The following BAZ1B variants were observed in gnomAD, a reference collection of about 807,000 sequenced individuals.
The protein encoded by BAZ1B is bromodomain adjacent to zinc finger domain 1B.
A neutral mutation model predicts 153.8 loss-of-function variants in BAZ1B; 22 were observed. That is an observed-to-expected ratio of 0.14 (90% CI 0.10 to 0.20). The LOEUF (loss-of-function observed/expected upper bound fraction) is 0.20. BAZ1B is among the 10% of genes least tolerant of loss of function. The pLI is 1.00. For synonymous variants in BAZ1B, 676 were observed against 633.4 expected, an observed-to-expected ratio of 1.07 and a Z score of -1.01; for missense variants, 1,325 against 1,799.3, an observed-to-expected ratio of 0.74 and a Z score of 4.77.
At chr7:73,507,969 A>C (rs1381653154) in intron 3 of BAZ1B, among the ~76,000 whole-genome samples, 6 of 152,142 alleles carry the variant, frequency 3.9e-5, no homozygotes, top group African/African-American at 1.4e-4. Flanking sequence ...AGCCTGGCCA[A>C]AATGGTGAAA....
At chr7:73,520,013 G>C (rs1369689677) in intron 1 of BAZ1B, among the ~76,000 whole-genome samples, 2 of 152,130 alleles carry the variant, frequency 1.3e-5, no homozygotes, top group East Asian at 3.8e-4. Flanking sequence ...TTTGAGACCA[G>C]CCTGGCCAAC....
At chr7:73,505,897 C>T (rs547064263) in intron 3 of BAZ1B, among the ~76,000 whole-genome samples, 2 of 152,266 alleles carry the variant, frequency 1.3e-5, no homozygotes, top group South Asian at 2.1e-4. Flanking sequence ...AGTTTGAGAA[C>T]TACGGACTAT....
Position 73,488,833 on chromosome 7 carries a change from T to G in BAZ1B, c.891+361A>C, listed in dbSNP as rs868963049. Among the ~76,000 whole-genome samples, 9 of 152,262 alleles carry G rather than the reference T, an allele frequency of 5.9e-5. 1 individual carries two copies. The Middle Eastern group carries it at 0.01, about 173-fold the overall frequency. On this transcript the variant is annotated intron_variant, in intron 6 of 19. Transcript: ENST00000339594. ...TTCTTTTCAAGGCTGCCACTGTATG[T>G]GATCATCTTGTCCGACATGCAAAAT...
chr7:73,521,408 G>A (rs1471855091), intron 1 of BAZ1B, among the ~76,000 whole-genome samples: 1 of 152,126 alleles, frequency 6.6e-6, no homozygotes, highest in Non-Finnish European at 1.5e-5. Context: ...CAAAACTTAA[G>A]CTGCAGGTTT....
At chr7:73,445,716 C>T (rs1444284250) in intron 16 of BAZ1B, among the ~76,000 whole-genome samples, 1 of 151,948 alleles carries the variant, frequency 6.6e-6, no homozygotes, top group Non-Finnish European at 1.5e-5. Context: ...ACAAAAAAGC[C>T]GGGCATGGTG....
At chr7:73,442,139 C>T in intron 19 of BAZ1B, 42 bp downstream of exon 19, 2 of 598,502 alleles carry the variant, frequency 3.3e-6, no homozygotes, top group Non-Finnish European at 3.1e-6. Flanking sequence ...GCTCGCCTCC[C>T]TCCCACCCTC....
intron 12 of BAZ1B, among the ~76,000 whole-genome samples, chr7:73,460,352 CAA>C (rs1246002460): frequency 1.3e-5 from 2 of 152,034 alleles, no homozygotes; most frequent in East Asian, 1.9e-4. Flanking sequence ...AATTTTAACG[CAA>C]AGACACACTA....
At chr7:73,504,131 T>G (rs1554577467) in intron 3 of BAZ1B, among the ~76,000 whole-genome samples, 1 of 152,240 alleles carries the variant, frequency 6.6e-6, no homozygotes, top group Non-Finnish European at 1.5e-5. Context: ...TGCTGTCTGC[T>G]GTCAACAGCC....
chr7:73,448,466 A>G (rs1199523629), intron 15 of BAZ1B, among the ~76,000 whole-genome samples: 1 of 152,108 alleles, frequency 6.6e-6, no homozygotes, highest in African/African-American at 2.4e-5. Context: ...ACAAAGCACC[A>G]CCTCTACTCT....
At chr7:73,482,375 C>A (rs1554573818) in intron 6 of BAZ1B, among the ~76,000 whole-genome samples, 1 of 152,174 alleles carries the variant, frequency 6.6e-6, no homozygotes, top group Non-Finnish European at 1.5e-5. Flanking sequence ...GAAATAAGAA[C>A]AAATGTGTGC....
At chr7:73,466,239 T>C (rs1040708123) in intron 10 of BAZ1B, 57 bp downstream of exon 10, 1 of 1,287,942 alleles carries the variant, frequency 7.8e-7, no homozygotes, top group Non-Finnish European at 1.1e-6. Context: ...CTAAATACTT[T>C]CTTCCTTAAC....
chr7:73,480,259 T>G (rs1258842249), intron 6 of BAZ1B, among the ~76,000 whole-genome samples: 1 of 152,068 alleles, frequency 6.6e-6, no homozygotes, highest in Non-Finnish European at 1.5e-5. Flanking sequence ...GTTCCTTTAG[T>G]CCACTCATGT....
At chr7:73,492,384 G>A (rs1162113988) in intron 5 of BAZ1B, among the ~76,000 whole-genome samples, 2 of 151,938 alleles carry the variant, frequency 1.3e-5, no homozygotes, top group African/African-American at 2.4e-5. Context: ...GGATGGTCTC[G>A]ATCTCCTGAC....
chr7:73,503,244 T>C (rs534665919), intron 3 of BAZ1B, among the ~76,000 whole-genome samples: 28 of 152,200 alleles, frequency 1.8e-4, no homozygotes, highest in Non-Finnish European at 4.0e-4. Flanking sequence ...GGCAGCAAGT[T>C]TTTTTCTTTA....
chr7:73,477,264 C>T lies in BAZ1B; in HGVS notation c.2197G>A (p.Glu733Lys). ...EVQDEFLEKL[E>K]TSEFFELTSE... is the part of the protein sequence containing the mutation. ...GTCAGCTCAAAAAATTCAGAGGTCT[C>T]CAGCTTTTCTAGGAACTCATCTTGT... Residue 733 changes from glutamate to lysine, a missense_variant, in exon 7 of 20, where the codon GAG becomes AAG. By Grantham distance (56) the Glu-to-Lys change is moderately conservative. Coordinates refer to ENST00000339594, the MANE Select transcript of BAZ1B (RefSeq NM_032408.4). This position sits in a 1 kb window ranked among gnomAD's most constrained non-coding sequence, Gnocchi z 5.6. 1.2e-6 allele frequency: 2 copies of T among 1,614,190 alleles called. No homozygotes were observed. Among genetic ancestry groups the T allele is most frequent in the Non-Finnish European group, 1.7e-6 (2 of 1,180,040 alleles).
At chr7:73,470,611 A>G (rs1380399237) in intron 7 of BAZ1B, 128 bp from the exon 8 acceptor site, 1 of 1,120,118 alleles carries the variant, frequency 8.9e-7, no homozygotes. Flanking sequence ...GCTTTCTCTA[A>G]TTCTAATCTG....
intron 6 of BAZ1B, among the ~76,000 whole-genome samples, chr7:73,488,840 C>T (rs1554574928): frequency 6.6e-6 from 1 of 152,026 alleles, no homozygotes. Context: ...ATGTGATCAT[C>T]TTGTCCGACA....
intron 3 of BAZ1B, among the ~76,000 whole-genome samples, chr7:73,502,341 A>G (rs1790166769): frequency 6.6e-6 from 1 of 151,494 alleles, no homozygotes; most frequent in Non-Finnish European, 1.5e-5. Flanking sequence ...CACGCTTCCA[A>G]TGTCCATCAT....
chr7:73,507,168 A>G (rs1790377953), intron 3 of BAZ1B: 1 of 152,062 alleles, frequency 6.6e-6, no homozygotes, highest in Non-Finnish European at 1.5e-5. Context: ...GTGAGCTACC[A>G]CGCCCGGCCT....
Sources: allele counts gnomAD v4.1 joint callset (sites outside exome capture counted in the v4.1 genomes callset), GRCh38; gene constraint gnomAD v4.1.1; non-coding constraint Gnocchi (gnomAD v3.1); transcripts MANE v1.5; gene names NCBI Gene and HGNC (gene_info 2026-07-23, HGNC 2026-07-21).